Variants in IFNAR2 observed in about 807,000 individuals in gnomAD.
IFNAR2 encodes interferon alpha and beta receptor subunit 2.
Under a neutral mutation model 49.4 loss-of-function variants are expected in IFNAR2, and 30 were observed. That is an observed-to-expected ratio of 0.61 (90% CI 0.45 to 0.82). IFNAR2 has a LOEUF of 0.82. IFNAR2 is among the 40% of genes least tolerant of loss of function. The pLI, the probability that IFNAR2 is intolerant of heterozygous loss-of-function variation, is 0.00. For synonymous variants in IFNAR2, 224 were observed against 234.5 expected (o/e 0.96, Z 0.41); for missense variants, 600 against 622.7 (o/e 0.96, Z 0.39).
chr21:33,241,971 C>T lies in IFNAR2; in HGVS notation c.49C>T (p.Leu17Phe). 6.2e-7 allele frequency: 1 copy of T among 1,612,444 alleles called. No individual in the cohort carries two copies. Among genetic ancestry groups the T allele is most frequent in the Non-Finnish European group, 8.5e-7 (1 of 1,179,356 alleles). ...AFIFRSLNLV[L>F]MVYISLVFGI... ...CATCTTCAGATCACTTAATTTGGTT[C>T]TCATGGGTAAGTGCTGCTTTTTATC... Residue 17 changes from leucine (L) to phenylalanine (F), a missense_variant, in exon 2 of 9, where the codon CTC (leucine) becomes TTC (phenylalanine). Coordinates refer to ENST00000342136, the MANE Select transcript of IFNAR2 (RefSeq NM_001289125.3).
Position 33,264,405 on chromosome 21 carries a change from C to T in IFNAR2, c.*905C>T, listed in dbSNP as rs575803427. ...TTGGAATTCCACCTTGTCCAGCCCT[C>T]CCCAGTTAAAGTGGGGAAGACAGAC... On this transcript the variant is annotated 3_prime_UTR_variant, in exon 9 of 9. Coordinates refer to ENST00000342136, the MANE Select transcript of IFNAR2 (RefSeq NM_001289125.3). 6.6e-6 allele frequency: 1 copy of T among 151,996 alleles called. No individual in the cohort carries two copies. Among genetic ancestry groups the T allele is most frequent in the East Asian group, 1.9e-4 (1 of 5,170 alleles). 9.4% of individuals were successfully genotyped at this position (151,996 alleles called of 1,614,324 possible).
In IFNAR2 at chr21:33,252,663, A is replaced by G; in HGVS notation, c.542A>G (p.His181Arg). ...EEQSEGIVKK[H>R]KPEIKGNMSG... ...CTGATTTTTTGCTTATGTTTACAGC[A>G]TAAACCCGAAATAAAAGGAAACATG... is the stretch of plus-strand genomic sequence containing the variant. The change falls in exon 7 of 9, where the codon CAT becomes CGT. Residue 181 changes from histidine (H) to arginine (R), a missense_variant and splice_region_variant. Physicochemically the swap from His to Arg is conservative, Grantham distance 29. Coordinates refer to ENST00000342136, the MANE Select transcript of IFNAR2 (RefSeq NM_001289125.3). 1.2e-6 allele frequency: 2 copies of G among 1,613,180 alleles called. No homozygotes were observed. The highest frequency in any genetic ancestry group is 2.2e-5 in the South Asian group (2 of 90,750).
chr21:33,256,839 T>C (rs1040898573), intron 7 of IFNAR2, among the ~76,000 whole-genome samples: 6 of 152,090 alleles, frequency 3.9e-5, no homozygotes, highest in African/African-American at 1.2e-4. Flanking sequence ...ACATGTAAAA[T>C]AGACAGTATG....
intron 6 of IFNAR2, chr21:33,252,074 CCCCA>C (rs1256810881): frequency 8.8e-6 from 3 of 341,564 alleles, no homozygotes; most frequent in African/African-American, 2.9e-5. Context: ...CAGAGTGAGA[CCCCA>C]TCCATCTATC....
chr21:33,232,464 C>G (rs1366517203), intron 1 of IFNAR2, among the ~76,000 whole-genome samples: 5 of 152,036 alleles, frequency 3.3e-5, no homozygotes, highest in Admixed American at 2.6e-4. Flanking sequence ...AACGAGTTAC[C>G]CCACAAGCCA....
chr21:33,244,879 A>G, intron 3 of IFNAR2, 72 bp from the exon 4 acceptor site: 7 of 1,520,472 alleles, frequency 4.6e-6, no homozygotes, highest in Non-Finnish European at 6.4e-6. Context: ...AGATCCCAAG[A>G]AATGACTGAA....
chr21:33,262,251 G>T (rs950194207), intron 8 of IFNAR2, among the ~76,000 whole-genome samples: 11 of 151,210 alleles, frequency 7.3e-5, no homozygotes, highest in Non-Finnish European at 1.6e-4. Context: ...TGTAATCCCA[G>T]CTACTCAGGA....
chr21:33,263,255 C>A lies in IFNAR2; in HGVS notation c.1303C>A (p.Leu435Ile), dbSNP rs1355601240. ...CTTAAACTCTGTGTTTTTGAGAGTT[C>A]TTGATGACGAGGACAGTGACGACTT... ...VDLNSVFLRV[L>I]DDEDSDDLEA... The change falls in exon 9 of 9, where the codon CTT becomes ATT. Residue 435 changes from leucine (L) to isoleucine (I), a missense_variant. By Grantham distance (5) the Leu-to-Ile change is conservative (BLOSUM62 2). Transcript: ENST00000342136. 1 of 1,614,064 alleles carries A rather than the reference C, an allele frequency of 6.2e-7. No homozygotes were observed. Among genetic ancestry groups the A allele is most frequent in the African/African-American group, 1.3e-5 (1 of 74,898 alleles).
At chr21:33,255,928 C>G (rs1158658261) in intron 7 of IFNAR2, among the ~76,000 whole-genome samples, 2 of 152,192 alleles carry the variant, frequency 1.3e-5, no homozygotes, top group African/African-American at 4.8e-5. Context: ...TCCTAACGTT[C>G]AGGAAATTCC....
At chr21:33,252,106 A>ATCTG in intron 6 of IFNAR2, 1 of 462,430 alleles carries the variant, frequency 2.2e-6, no homozygotes, top group South Asian at 1.6e-5. Flanking sequence ...CTATCTATCT[A>ATCTG]TCTATCTATC....
At chr21:33,241,317 A>C (rs1470459313) in intron 1 of IFNAR2, among the ~76,000 whole-genome samples, 1 of 152,240 alleles carries the variant, frequency 6.6e-6, no homozygotes, top group Non-Finnish European at 1.5e-5. Flanking sequence ...CACATGTGCA[A>C]AATGAAAGAG....
At chr21:33,243,858 G>T in intron 3 of IFNAR2, 144 bp downstream of exon 3, 1 of 685,480 alleles carries the variant, frequency 1.5e-6, no homozygotes, top group East Asian at 2.6e-5. Flanking sequence ...TCTGTAAAAG[G>T]AGCTAAAATG....
At chr21:33,249,851 G>A (rs766053058) in intron 6 of IFNAR2, among the ~76,000 whole-genome samples, 1 of 152,128 alleles carries the variant, frequency 6.6e-6, no homozygotes, top group Admixed American at 6.5e-5. Context: ...GAGTGGGCCC[G>A]GTGTATTTCA....
chr21:33,237,110 T>TGTGTG (rs1439441197), intron 1 of IFNAR2, among the ~76,000 whole-genome samples: 1 of 148,506 alleles, frequency 6.7e-6, no homozygotes, highest in Non-Finnish European at 1.5e-5. Context: ...TGTGTGTGTG[T>TGTGTG]TTTCTCGGCT....
Position 33,230,422 on chromosome 21 carries a change from C to T in IFNAR2, c.-84+206C>T. The T allele has an allele frequency of 2.1e-6, 1 of 473,270 alleles. No homozygotes were observed. Among genetic ancestry groups the T allele is most frequent in the South Asian group, 1.7e-5 (1 of 60,386 alleles). The allele number at this position is 473,270 out of a possible 1,614,324, so 29.3% of individuals were successfully genotyped here. On this transcript the variant is annotated intron_variant, in intron 1 of 8. Coordinates refer to ENST00000342136, the MANE Select transcript of IFNAR2 (RefSeq NM_001289125.3). The surrounding 1 kb of genome is among the most constrained non-coding windows in gnomAD (Gnocchi z 5.5). The stretch of plus-strand genomic sequence containing the variant: ...TCTCCCGGGGCCGCACCTGCGACCC[C>T]AGGACCCCTCCCGGGCCCTGTCCTG...
chr21:33,247,403 C>T (rs1987522048), intron 5 of IFNAR2, among the ~76,000 whole-genome samples: 1 of 151,934 alleles, frequency 6.6e-6, no homozygotes, highest in African/African-American at 2.4e-5. Flanking sequence ...AAGCACACAC[C>T]ACCATACCTG....
At position 33,230,122 on chromosome 21, in the gene IFNAR2, G is replaced by C; in HGVS notation, c.-178G>C. On this transcript the variant is annotated 5_prime_UTR_variant, in exon 1 of 9. Transcript: ENST00000342136. This position sits in a 1 kb window ranked among gnomAD's most constrained non-coding sequence, Gnocchi z 5.5. ...TTCTGTCCGAGAGGCCGCCCGCGAG[G>C]CGCATCCTGACCGCGAGCGTCGGGT... is the stretch of plus-strand genomic sequence containing the variant. 1 of 992,636 alleles carries C rather than the reference G, an allele frequency of 1.0e-6. No homozygotes were observed. The highest frequency in any genetic ancestry group is 1.2e-6 in the Non-Finnish European group (1 of 833,550). The allele number at this position is 992,636 out of a possible 1,614,324, so 61.5% of individuals were successfully genotyped here.
intron 1 of IFNAR2, among the ~76,000 whole-genome samples, chr21:33,238,595 C>T (rs1375583490): frequency 6.6e-6 from 1 of 152,046 alleles, no homozygotes; most frequent in Non-Finnish European, 1.5e-5. Context: ...GATTATGACT[C>T]AAAATTTAGA....
chr21:33,254,144 A>G (rs1036233770), intron 7 of IFNAR2, among the ~76,000 whole-genome samples: 1 of 152,216 alleles, frequency 6.6e-6, no homozygotes, highest in Non-Finnish European at 1.5e-5. Context: ...AAGCCCCCCA[A>G]CCAACTGAAT....
Sources: gnomAD v4.1 joint callset for allele counts (sites outside exome capture counted in the v4.1 genomes callset) on GRCh38, gnomAD v4.1.1 for gene constraint, Gnocchi (gnomAD v3.1) non-coding constraint, MANE v1.5 for transcripts, NCBI Gene and HGNC (gene_info 2026-07-23, HGNC 2026-07-21) for gene names.